Variants in ABCA1 observed in about 807,000 individuals in gnomAD.
ABCA1 encodes the protein phospholipid-transporting ATPase ABCA1.
A neutral mutation model predicts 262.5 loss-of-function variants in ABCA1; 133 were observed. That is an observed-to-expected ratio of 0.51 (90% confidence interval 0.44 to 0.59). The LOEUF (loss-of-function observed/expected upper bound fraction) is 0.59. Among genes scored for constraint, ABCA1 ranks in the 20% least tolerant of loss-of-function variants. The probability of loss-of-function intolerance (pLI) is 0.00; values close to 1 mark genes in which losing one functional copy is unlikely to be tolerated. For missense variants in ABCA1, 2,452 were observed against 2,777.5 expected (o/e 0.88, Z 2.63); for synonymous variants, 1,022 against 1,043.5 (o/e 0.98, Z 0.40).
chr9:104,857,004 C>CT (rs373920355), intron 7 of ABCA1, among the ~76,000 whole-genome samples: 8 of 152,126 alleles, frequency 5.3e-5, no homozygotes, highest in African/African-American at 1.9e-4. Context: ...ATATACCTTA[C>CT]TTTAAAATTA....
rs971666521 is a variant in ABCA1, at chr9:104,895,701, G to A, written c.67-6506C>T. ...TGCCAACATCTCCCACACTACAGATGTTCACTGTCCACTTGATTATTCATG... is the reference window on the plus strand; with the variant it reads ...TGCCAACATCTCCCACACTACAGATATTCACTGTCCACTTGATTATTCATG... On this transcript the variant is annotated intron_variant, in intron 2 of 49. Transcript: ENST00000374736. Among the ~76,000 whole-genome samples the A allele has an allele frequency of 2.6e-5, 4 of 152,142 alleles. 1 individual carries two copies. The highest frequency in any genetic ancestry group is 2.6e-4 in the Admixed American group (4 of 15,280).
intron 1 of ABCA1, among the ~76,000 whole-genome samples, chr9:104,916,041 G>A (rs1476482967): frequency 1.3e-5 from 2 of 152,052 alleles, no homozygotes; most frequent in Admixed American, 6.5e-5. Flanking sequence ...CTGATCATGT[G>A]AAATGTGACT....
At chr9:104,838,033 C>A (rs374789497) in intron 9 of ABCA1, among the ~76,000 whole-genome samples, 1 of 152,112 alleles carries the variant, frequency 6.6e-6, no homozygotes, top group Non-Finnish European at 1.5e-5. Flanking sequence ...CAAGCAAAAA[C>A]CAAAATTTGG....
rs114992777 is a variant in ABCA1, at chr9:104,808,198, G to A, written c.4274+1268C>T. ...AAGGCTCTTCCTTCCAACCACCTCC[G>A]GCAGACTGTAGGTGGGGCTCAGACA... On this transcript the variant is annotated intron_variant, in intron 30 of 49. Coordinates refer to ENST00000374736, the MANE Select transcript of ABCA1 (RefSeq NM_005502.4). 7.9e-3 allele frequency among the ~76,000 whole-genome samples: 1,200 copies of A among 152,138 alleles called. 16 individuals are homozygous for A. Among genetic ancestry groups the A allele is most frequent in the African/African-American group, 0.027 (1,110 of 41,490 alleles).
At chr9:104,800,908 G>A (rs1830276358) in intron 34 of ABCA1, among the ~76,000 whole-genome samples, 1 of 152,096 alleles carries the variant, frequency 6.6e-6, no homozygotes, top group Non-Finnish European at 1.5e-5. Context: ...CATCTGAAGA[G>A]CCAGAACCAC....
In ABCA1 at chr9:104,783,738, T is replaced by C. The variant is rs1828676139; in HGVS notation, c.*577A>G. On this transcript the variant is annotated 3_prime_UTR_variant, in exon 50 of 50. Coordinates refer to ENST00000374736, the MANE Select transcript of ABCA1 (RefSeq NM_005502.4). ...TCTGTCAACTGATATTCAATGTTGA[T>C]AGACTCTGAGCAGAGCAGCTTTCAC... 6.5e-6 allele frequency: 1 copy of C among 154,014 alleles called. No homozygotes were observed. Among genetic ancestry groups the C allele is most frequent in the Admixed American group, 6.4e-5 (1 of 15,576 alleles). The allele number at this position is 154,014 out of a possible 1,614,324, so 9.5% of individuals were successfully genotyped here.
At chr9:104,903,532 C>T in intron 2 of ABCA1, 82 bp downstream of exon 2, 10 of 1,338,432 alleles carry the variant, frequency 7.5e-6, no homozygotes, top group East Asian at 2.5e-5. Flanking sequence ...GCTTCCTTCC[C>T]TCCCTCCCTC....
intron 10 of ABCA1, 65 bp downstream of exon 10, chr9:104,837,363 T>G: frequency 6.2e-6 from 10 of 1,605,214 alleles, no homozygotes; most frequent in Non-Finnish European, 7.7e-6. Context: ...GAAGCTACCT[T>G]GAGTTTTTTG....
chr9:104,848,417 C>T (rs924045497), intron 7 of ABCA1, among the ~76,000 whole-genome samples: 10 of 151,994 alleles, frequency 6.6e-5, no homozygotes, highest in Non-Finnish European at 1.3e-4. Context: ...GAGTTCAAGA[C>T]GAGCCTGGCC....
At position 104,794,512 on chromosome 9, in the gene ABCA1, TAAA is replaced by T. The variant is rs77663187; in HGVS notation, c.5383-5_5383-3del. 333 of 1,288,040 alleles carry T rather than the reference TAAA, an allele frequency of 2.6e-4. No homozygotes were observed. The highest frequency in any genetic ancestry group is 9.5e-4 in the East Asian group (34 of 35,738). 79.8% of individuals were successfully genotyped at this position (1,288,040 alleles called of 1,614,324 possible). On this transcript the variant is annotated splice_polypyrimidine_tract_variant and splice_region_variant and intron_variant, in intron 39 of 49. Coordinates refer to ENST00000374736, the MANE Select transcript of ABCA1 (RefSeq NM_005502.4). Reference sequence around the variant, plus strand: ...GATATCATTGATATTATTCAGCTTCTAAAAAAAAAAAAAAAAAATGGGAGGGAA... The same window carrying T: ...GATATCATTGATATTATTCAGCTTCTAAAAAAAAAAAAAAATGGGAGGGAA...
chr9:104,894,973 T>C (rs1252578147), intron 2 of ABCA1, among the ~76,000 whole-genome samples: 3 of 152,250 alleles, frequency 2.0e-5, no homozygotes, highest in African/African-American at 4.8e-5. Context: ...GAAACCAAAG[T>C]TGACTTCTGC....
At chr9:104,792,182 T>C (rs912398332) in intron 42 of ABCA1, among the ~76,000 whole-genome samples, 184 bp from the exon 43 acceptor site, 1 of 152,248 alleles carries the variant, frequency 6.6e-6, no homozygotes, top group Non-Finnish European at 1.5e-5. Context: ...GGCTTCTGAA[T>C]GATTCTGAAG....
Position 104,786,302 on chromosome 9 carries a change from T to A in ABCA1, c.6397A>T (p.Asn2133Tyr), listed in dbSNP as rs1181651001. ...RCLGSVQHLK[N>Y]RFGDGYTIVV... ...CAAAGAAATTATCTTTATTACCTATTTTTTAGATGCTGGACACTGCCAAGG... is the reference window on the plus strand; with the variant it reads ...CAAAGAAATTATCTTTATTACCTATATTTTAGATGCTGGACACTGCCAAGG... Residue 2133 changes from asparagine (N) to tyrosine (Y), a missense_variant, in exon 48 of 50, where the codon AAT becomes TAT. By Grantham distance (143) the Asn-to-Tyr change is moderately radical (BLOSUM62 -2). Around this residue, in one of 4 missense-constraint regions of ABCA1, gnomAD observed 752 missense variants for 944.5 expected, o/e 0.80. Coordinates refer to ENST00000374736, the MANE Select transcript of ABCA1 (RefSeq NM_005502.4). The A allele has an allele frequency of 1.9e-6, 3 of 1,613,278 alleles. No individual in the cohort carries two copies. Among genetic ancestry groups the A allele is most frequent in the Non-Finnish European group, 2.5e-6 (3 of 1,179,306 alleles).
At chr9:104,860,900 G>A (rs1836320757) in intron 6 of ABCA1, among the ~76,000 whole-genome samples, 1 of 151,906 alleles carries the variant, frequency 6.6e-6, no homozygotes, top group Non-Finnish European at 1.5e-5. Context: ...GGGACTACAG[G>A]AGCATGCCAC....
chr9:104,855,909 A>G (rs769492876), intron 7 of ABCA1: 3 of 1,612,738 alleles, frequency 1.9e-6, no homozygotes, highest in Non-Finnish European at 2.5e-6. Flanking sequence ...CGCACACACA[A>G]AAGGAGAAAT....
At chr9:104,862,644 CGGGCCGGGCCGGGCCGGGCCGGGCCGGG>C (rs1836566414) in intron 5 of ABCA1, among the ~76,000 whole-genome samples, 1 of 7,532 alleles carries the variant, frequency 1.3e-4, no homozygotes, top group African/African-American at 3.8e-4. Flanking sequence ...CGGGCCGGGC[CGGGCCGGGCCGGGCCGGGCCGGGCCGGG>C]CCGGGCCGGG....
intron 1 of ABCA1, among the ~76,000 whole-genome samples, chr9:104,908,892 G>A (rs1002896025): frequency 3.9e-5 from 6 of 152,200 alleles, no homozygotes; most frequent in Non-Finnish European, 7.3e-5. Context: ...TGGAGGGGAC[G>A]ACAGACTGAA....
chr9:104,881,526 G>A (rs568206188), intron 5 of ABCA1, among the ~76,000 whole-genome samples: 1 of 152,234 alleles, frequency 6.6e-6, no homozygotes, highest in South Asian at 2.1e-4. Flanking sequence ...GCCAAATACT[G>A]TTTTTAAGCA....
At chr9:104,909,910 C>G (rs1184499283) in intron 1 of ABCA1, among the ~76,000 whole-genome samples, 6 of 152,218 alleles carry the variant, frequency 3.9e-5, no homozygotes, top group Non-Finnish European at 5.9e-5. Context: ...TGACTGCCCT[C>G]TACTCTTCTA....
Sources: gnomAD v4.1 joint callset for allele counts (sites outside exome capture counted in the v4.1 genomes callset) on GRCh38, gnomAD v4.1.1 for gene constraint, gnomAD v4.1.1 regional missense constraint, MANE v1.5 for transcripts, NCBI Gene and HGNC (gene_info 2026-07-23, HGNC 2026-07-21) for gene names.